Variants in CYTH1 observed in about 807,000 individuals in gnomAD.
The protein encoded by CYTH1 is cytohesin-1.
In CYTH1, 18 loss-of-function variants were observed where a neutral mutation model predicts 61.8. The ratio of observed to expected loss-of-function variants is 0.29; its 90% CI spans 0.20 to 0.43. The LOEUF (loss-of-function observed/expected upper bound fraction) is 0.43. Ranked by LOEUF, CYTH1 falls within the 20% of genes least tolerant of loss-of-function variation. CYTH1 has a pLI of 1.00. For synonymous variants in CYTH1, 174 were observed against 184.3 expected, an observed-to-expected ratio of 0.94 and a Z score of 0.45; for missense variants, 336 against 510.5, an observed-to-expected ratio of 0.66 and a Z score of 3.29.
intron 1 of CYTH1, among the ~76,000 whole-genome samples, chr17:78,781,236 C>T (rs1445230140): frequency 1.3e-5 from 2 of 151,762 alleles, no homozygotes; most frequent in Non-Finnish European, 2.9e-5. Context: ...CATTTGGCCA[C>T]AGAGTTCTGC....
chr17:78,681,186 T>G, intron 11 of CYTH1, 144 bp from the exon 12 acceptor site: 1 of 745,690 alleles, frequency 1.3e-6, no homozygotes, highest in Non-Finnish European at 2.2e-6. Context: ...ACTCCTTACA[T>G]TCTAAACAAG....
intron 1 of CYTH1, among the ~76,000 whole-genome samples, chr17:78,719,215 C>T (rs2093207805): frequency 6.6e-6 from 1 of 152,194 alleles, no homozygotes; most frequent in African/African-American, 2.4e-5. Context: ...TGACCCTGGG[C>T]AAGTTACTTC....
chr17:78,738,313 G>A (rs1159141148), intron 1 of CYTH1, among the ~76,000 whole-genome samples: 6 of 152,202 alleles, frequency 3.9e-5, no homozygotes, highest in Non-Finnish European at 7.3e-5. Flanking sequence ...ACCCAGAGAC[G>A]TTGCATGGCT....
At chr17:78,702,061 G>A in intron 5 of CYTH1, 61 bp downstream of exon 5, 1 of 1,360,302 alleles carries the variant, frequency 7.4e-7, no homozygotes, top group Non-Finnish European at 1.0e-6. Context: ...TTGGGAGTTT[G>A]TTTCTTTGTG....
At chr17:78,778,842 G>C (rs1485199532) in intron 1 of CYTH1, among the ~76,000 whole-genome samples, 1 of 152,056 alleles carries the variant, frequency 6.6e-6, no homozygotes, top group East Asian at 1.9e-4. Flanking sequence ...GGTGACGTCT[G>C]AACACGTCAT....
At chr17:78,676,852 C>G (rs1403400388) in intron 13 of CYTH1, 1 of 390,758 alleles carries the variant, frequency 2.6e-6, no homozygotes, top group Non-Finnish European at 5.1e-6. Context: ...CACCACAACC[C>G]TATGTCTGCC....
Position 78,700,459 on chromosome 17 carries a change from C to CA in CYTH1, c.438-17dup. On this transcript the variant is annotated splice_polypyrimidine_tract_variant and intron_variant, in intron 6 of 13. Transcript: ENST00000446868. The surrounding 1 kb of genome is among the most constrained non-coding windows in gnomAD (Gnocchi z 5.1). The stretch of plus-strand genomic sequence containing the variant: ...CAGGAACTGCCTGAGTGGGTAAAGA[C>CA]AGAGTGTTCCAGAACTTGGGGAGGC... 1 of 1,589,426 alleles carries CA rather than the reference C, an allele frequency of 6.3e-7. No individual in the cohort carries two copies. The highest frequency in any genetic ancestry group is 1.1e-5 in the South Asian group (1 of 87,300).
At chr17:78,706,368 T>C (rs1555607681) in intron 3 of CYTH1, among the ~76,000 whole-genome samples, 3 of 151,742 alleles carry the variant, frequency 2.0e-5, no homozygotes, top group Non-Finnish European at 2.9e-5. Flanking sequence ...ACAGCTTAGT[T>C]TGCATGTTCT....
chr17:78,750,820 A>G (rs1325500801), intron 1 of CYTH1, among the ~76,000 whole-genome samples: 4 of 152,054 alleles, frequency 2.6e-5, no homozygotes, highest in African/African-American at 7.2e-5. Flanking sequence ...AAAAAACAAA[A>G]ATAGTCATTG....
chr17:78,715,739 G>GCT lies in CYTH1; in HGVS notation c.23-6009_23-6008dup, dbSNP rs143168581. Among the ~76,000 whole-genome samples, 932 of 152,312 alleles carry GCT rather than the reference G, an allele frequency of 6.1e-3. 41 individuals are homozygous for GCT. The East Asian group carries it at 0.12, about 19-fold the overall frequency. On this transcript the variant is annotated intron_variant, in intron 1 of 13. Coordinates refer to ENST00000446868, the MANE Select transcript of CYTH1 (RefSeq NM_004762.6). The stretch of plus-strand genomic sequence containing the variant: ...TGGGCCATCAGGGACGCCAGGAACA[G>GCT]CTCCCTTTGAGTGGGCACCTGGCTC...
intron 1 of CYTH1, among the ~76,000 whole-genome samples, chr17:78,768,082 CG>C (rs2093456373): frequency 6.6e-6 from 1 of 152,062 alleles, no homozygotes; most frequent in African/African-American, 2.4e-5. Flanking sequence ...AAGACTGGCT[CG>C]GAATCATTGT....
At chr17:78,767,274 C>A (rs901111667) in intron 1 of CYTH1, among the ~76,000 whole-genome samples, 2 of 152,150 alleles carry the variant, frequency 1.3e-5, no homozygotes, top group African/African-American at 4.8e-5. Context: ...TCAAGACCAG[C>A]CTGATCAACA....
At chr17:78,718,739 C>A (rs1220247811) in intron 1 of CYTH1, among the ~76,000 whole-genome samples, 1 of 152,200 alleles carries the variant, frequency 6.6e-6, no homozygotes, top group Admixed American at 6.5e-5. Context: ...CTCTGGGCCT[C>A]AGTTTTGTCC....
At chr17:78,728,432 C>A (rs570558283) in intron 1 of CYTH1, among the ~76,000 whole-genome samples, 24 of 152,018 alleles carry the variant, frequency 1.6e-4, no homozygotes, top group Admixed American at 5.9e-4. Context: ...GTAATCCCTG[C>A]TACTTGGGAG....
At chr17:78,732,980 G>C (rs982396123) in intron 1 of CYTH1, among the ~76,000 whole-genome samples, 3 of 149,784 alleles carry the variant, frequency 2.0e-5, no homozygotes, top group Non-Finnish European at 4.4e-5. Flanking sequence ...CCAGCTACTC[G>C]GGAGCCTGAG....
At chr17:78,713,001 T>C (rs2093149396) in intron 1 of CYTH1, among the ~76,000 whole-genome samples, 1 of 151,802 alleles carries the variant, frequency 6.6e-6, no homozygotes, top group South Asian at 2.1e-4. Flanking sequence ...CCATCAGCAT[T>C]ATGTGGATTC....
chr17:78,739,340 T>C (rs2093333101), intron 1 of CYTH1, among the ~76,000 whole-genome samples: 1 of 152,234 alleles, frequency 6.6e-6, no homozygotes, highest in Admixed American at 6.5e-5. Flanking sequence ...ACAAAATGCC[T>C]GCCCTCGTGG....
At chr17:78,709,345 T>C in intron 2 of CYTH1, 1 of 297,494 alleles carries the variant, frequency 3.4e-6, no homozygotes, top group Non-Finnish European at 6.2e-6. Flanking sequence ...TCATCCACTC[T>C]GCTCCGCAAG....
chr17:78,774,465 T>C (rs761905108), intron 1 of CYTH1, among the ~76,000 whole-genome samples: 2 of 152,182 alleles, frequency 1.3e-5, no homozygotes, highest in Non-Finnish European at 2.9e-5. Context: ...CTGGTTTCTG[T>C]TTGAAATGGA....
Sources: gnomAD v4.1 joint callset for allele counts (sites outside exome capture counted in the v4.1 genomes callset) on GRCh38, gnomAD v4.1.1 for gene constraint, Gnocchi (gnomAD v3.1) non-coding constraint, MANE v1.5 for transcripts, NCBI Gene and HGNC (gene_info 2026-07-23, HGNC 2026-07-21) for gene names.